ACOXL: variants seen among roughly 807,000 people sequenced by gnomAD.
ACOXL encodes acyl-coenzyme A oxidase-like protein.
In ACOXL, 70 loss-of-function variants were observed where a neutral mutation model predicts 71.9. The observed-to-expected ratio is 0.97, with a 90% CI of 0.80 to 1.19. ACOXL has a LOEUF of 1.19. ACOXL is among the 50% of genes most tolerant of loss of function. ACOXL has a pLI of 0.00. For missense variants in ACOXL, 703 were observed against 736.3 expected (o/e 0.95, Z 0.52); for synonymous variants, 253 against 281.6 (o/e 0.90, Z 1.02).
intron 10 of ACOXL, among the ~76,000 whole-genome samples, chr2:110,908,078 G>T (rs1302291515): frequency 6.6e-6 from 1 of 152,214 alleles, no homozygotes; most frequent in Non-Finnish European, 1.5e-5. Flanking sequence ...GGGGCAGAGG[G>T]TGACCTCTAT....
chr2:110,783,061 A>G (rs578081157), intron 2 of ACOXL, among the ~76,000 whole-genome samples: 4 of 152,334 alleles, frequency 2.6e-5, no homozygotes, highest in African/African-American at 7.2e-5. Context: ...CAAGATGTCC[A>G]GATGAGAAAC....
In ACOXL at chr2:110,812,547, G is replaced by C. The variant is rs112959217; in HGVS notation, c.753+7152G>C. Among the ~76,000 whole-genome samples the C allele has an allele frequency of 1.7e-3, 254 of 152,270 alleles. 2 individuals carry two copies. The highest frequency in any genetic ancestry group is 5.8e-3 in the African/African-American group (240 of 41,534). ...TTCTCATCCTTTAGCTCCCACTATA[G>C]GTGAGAACATGCCGTATTTGGTTTT... is the stretch of plus-strand genomic sequence containing the variant. On this transcript the variant is annotated intron_variant, in intron 9 of 17. Transcript: ENST00000439055.
At chr2:110,977,398 A>AG (rs1436927111) in intron 12 of ACOXL, among the ~76,000 whole-genome samples, 1 of 151,714 alleles carries the variant, frequency 6.6e-6, no homozygotes, top group African/African-American at 2.4e-5. Context: ...AAAAAAAAGA[A>AG]AAAACACAAA....
intron 2 of ACOXL, among the ~76,000 whole-genome samples, chr2:110,770,972 T>C: frequency 6.6e-6 from 1 of 152,218 alleles, no homozygotes; most frequent in East Asian, 1.9e-4. Flanking sequence ...GATCCAATTA[T>C]CTTCCTGTTT....
intron 9 of ACOXL, among the ~76,000 whole-genome samples, chr2:110,806,052 T>A (rs188396218): frequency 9.2e-5 from 14 of 152,284 alleles, no homozygotes; most frequent in African/African-American, 2.6e-4. Context: ...AAATTAAGTC[T>A]CCCCAGGAAT....
At chr2:110,854,323 C>T (rs555205068) in intron 10 of ACOXL, among the ~76,000 whole-genome samples, 72 of 152,250 alleles carry the variant, frequency 4.7e-4, no homozygotes, top group African/African-American at 1.6e-3. Context: ...TGTGATCGTC[C>T]AGGCAGAACC....
intron 2 of ACOXL, among the ~76,000 whole-genome samples, chr2:110,783,991 G>A (rs1047621706): frequency 4.9e-4 from 74 of 152,354 alleles, no homozygotes; most frequent in African/African-American, 1.7e-3. Flanking sequence ...TGTACAGTGA[G>A]TGAGGAGAGG....
chr2:110,746,024 C>G (rs1297182541), intron 1 of ACOXL, among the ~76,000 whole-genome samples: 1 of 152,154 alleles, frequency 6.6e-6, no homozygotes, highest in Non-Finnish European at 1.5e-5. Context: ...TATCTCTTCT[C>G]TTTAAGTCTC....
intron 12 of ACOXL, among the ~76,000 whole-genome samples, chr2:110,946,914 T>TCC (rs1023448976): frequency 6.6e-6 from 1 of 152,122 alleles, no homozygotes; most frequent in African/African-American, 2.4e-5. Context: ...CTCACCCCAG[T>TCC]CCCCTTTGGT....
intron 12 of ACOXL, among the ~76,000 whole-genome samples, chr2:110,945,193 T>A (rs2061049525): frequency 6.6e-6 from 1 of 152,240 alleles, no homozygotes; most frequent in Admixed American, 6.5e-5. Context: ...TTAACAGAAT[T>A]GTTTGGTTTT....
At chr2:110,983,573 A>C (rs1383673595) in intron 12 of ACOXL, among the ~76,000 whole-genome samples, 2 of 152,204 alleles carry the variant, frequency 1.3e-5, no homozygotes, top group Non-Finnish European at 2.9e-5. Flanking sequence ...GAACCAGCAG[A>C]ACATGCAGAA....
At chr2:110,800,033 G>A (rs764881606) in intron 7 of ACOXL, among the ~76,000 whole-genome samples, 5 of 152,212 alleles carry the variant, frequency 3.3e-5, no homozygotes, top group Non-Finnish European at 7.3e-5. Flanking sequence ...GGACAGAAAC[G>A]GAACATGGGA....
chr2:110,783,245 G>A (rs1683559690), intron 2 of ACOXL, among the ~76,000 whole-genome samples: 1 of 152,104 alleles, frequency 6.6e-6, no homozygotes, highest in Non-Finnish European at 1.5e-5. Flanking sequence ...TGCAACAAAG[G>A]ACACTTAGGC....
At chr2:110,913,142 A>G (rs2059706230) in intron 11 of ACOXL, among the ~76,000 whole-genome samples, 2 of 152,246 alleles carry the variant, frequency 1.3e-5, no homozygotes, top group African/African-American at 4.8e-5. Flanking sequence ...GAAACCTCAT[A>G]CATTGCTGGT....
At chr2:111,060,950 A>G (rs11692337) in intron 16 of ACOXL, among the ~76,000 whole-genome samples, 52,839 of 152,046 alleles carry the variant, frequency 0.35, 9,490 homozygotes, top group Middle Eastern at 0.4. Flanking sequence ...TGGAAGATAC[A>G]ATAGAAATGA....
At chr2:111,086,450 T>C (rs1189033794) in intron 16 of ACOXL, among the ~76,000 whole-genome samples, 3 of 152,088 alleles carry the variant, frequency 2.0e-5, no homozygotes, top group African/African-American at 7.2e-5. Flanking sequence ...TAAACAGAAC[T>C]AAAGACAAAA....
chr2:110,922,214 T>A (rs2060104594), intron 11 of ACOXL, among the ~76,000 whole-genome samples: 1 of 152,218 alleles, frequency 6.6e-6, no homozygotes, highest in Admixed American at 6.5e-5. Flanking sequence ...TGAAAGTTTT[T>A]TTTGGTTGTT....
At chr2:110,884,209 A>G (rs1459343813) in intron 10 of ACOXL, among the ~76,000 whole-genome samples, 1 of 152,250 alleles carries the variant, frequency 6.6e-6, no homozygotes, top group East Asian at 1.9e-4. Context: ...GGTCGAACAA[A>G]GAGAAGCAGT....
rs184759766 is a variant in ACOXL at position 110,779,896 on chromosome 2, G to C, written c.76-4836G>C. Among the ~76,000 whole-genome samples, 675 of 152,246 alleles carry C rather than the reference G, an allele frequency of 4.4e-3. 4 individuals carry two copies. Among genetic ancestry groups the C allele is most frequent in the Non-Finnish European group, 7.6e-3 (515 of 68,028 alleles). On this transcript the variant is annotated intron_variant, in intron 2 of 17. Coordinates refer to ENST00000439055, the MANE Select transcript of ACOXL (RefSeq NM_001142807.4). ...AGAATGTCCTATTAGGATAGGCAGG[G>C]GTTCTTAGAGGAGACTCAAAAATCA...
Sources: gnomAD v4.1 joint callset for allele counts (sites outside exome capture counted in the v4.1 genomes callset) on GRCh38, gnomAD v4.1.1 for gene constraint, MANE v1.5 for transcripts, NCBI Gene and HGNC (gene_info 2026-07-23, HGNC 2026-07-21) for gene names.